MAGI3: variants seen among roughly 807,000 people sequenced by gnomAD.
MAGI3 encodes membrane-associated guanylate kinase, WW and PDZ domain-containing protein 3.
MAGI3 carries 43 observed loss-of-function variants against 121.8 expected under a neutral mutation model. The ratio of observed to expected loss-of-function variants is 0.35; its 90% CI spans 0.28 to 0.46. The LOEUF (loss-of-function observed/expected upper bound fraction) is 0.46, where lower values mean the gene tolerates loss of function less well. MAGI3 is among the 20% of genes least tolerant of loss of function. The pLI, the probability that MAGI3 is intolerant of heterozygous loss-of-function variation, is 1.00. For missense variants in MAGI3, 1,547 were observed against 1,797.3 expected, an observed-to-expected ratio of 0.86 and a Z score of 2.52; for synonymous variants, 553 against 639.3, an observed-to-expected ratio of 0.86 and a Z score of 2.04.
At chr1:113,479,822 G>A (rs1656026857) in intron 1 of MAGI3, among the ~76,000 whole-genome samples, 1 of 151,780 alleles carries the variant, frequency 6.6e-6, no homozygotes, top group South Asian at 2.1e-4. Flanking sequence ...AATTTTAAAT[G>A]AACCATCTTA....
At chr1:113,515,343 AAAG>A (rs1408736521) in intron 1 of MAGI3, among the ~76,000 whole-genome samples, 3 of 152,072 alleles carry the variant, frequency 2.0e-5, no homozygotes, top group Non-Finnish European at 4.4e-5. Context: ...AGCTTTGACT[AAAG>A]AGACTGAGAG....
chr1:113,503,962 C>G (rs1384218472), intron 1 of MAGI3, among the ~76,000 whole-genome samples: 1 of 151,834 alleles, frequency 6.6e-6, no homozygotes, highest in Non-Finnish European at 1.5e-5. Context: ...TCAAAGTGAC[C>G]TTTAGGATCT....
At chr1:113,472,303 C>T (rs902109621) in intron 1 of MAGI3, among the ~76,000 whole-genome samples, 6 of 151,364 alleles carry the variant, frequency 4.0e-5, no homozygotes, top group African/African-American at 7.3e-5. Context: ...CCCGGGTTCA[C>T]GCCATTCTCC....
intron 12 of MAGI3, among the ~76,000 whole-genome samples, chr1:113,647,106 TTAAC>T (rs999811055): frequency 1.2e-4 from 19 of 152,284 alleles, no homozygotes; most frequent in Non-Finnish European, 2.5e-4. Flanking sequence ...AAGCAAAGCT[TTAAC>T]TAAGTCATCA....
Position 113,641,771 on chromosome 1 carries a change from G to C in MAGI3, c.1361-140G>C, listed in dbSNP as rs146318484. Reference sequence around the variant, plus strand: ...TAGAAAAGGGAGAAGGTCTGTGTTAGAAATCTATCTTTTCAGCAGTTAATA... The same window carrying C: ...TAGAAAAGGGAGAAGGTCTGTGTTACAAATCTATCTTTTCAGCAGTTAATA... On this transcript the variant is annotated intron_variant, in intron 9 of 20. Transcript: ENST00000307546. The C allele has an allele frequency of 1.1e-4, 70 of 660,146 alleles. No homozygotes were observed. In the East Asian group the frequency reaches 1.9e-3, roughly 18 times the overall value. 40.9% of individuals were successfully genotyped at this position (660,146 alleles called of 1,614,324 possible).
Position 113,684,085 on chromosome 1 carries a change from T to A in MAGI3, c.*71T>A. 1 of 1,254,170 alleles carries A rather than the reference T, an allele frequency of 8.0e-7. No individual in the cohort carries two copies. The highest frequency in any genetic ancestry group is 1.0e-6 in the Non-Finnish European group (1 of 954,568). The allele number at this position is 1,254,170 out of a possible 1,614,324, so 77.7% of individuals were successfully genotyped here. A position where few individuals can be genotyped will look rare whatever the true frequency, so the allele number is the denominator to read the frequency against. On this transcript the variant is annotated 3_prime_UTR_variant, in exon 21 of 21. Transcript: ENST00000307546. ...AGCAGCATTTTTCCAGAAAAAGCCT[T>A]TTTTTTTTTTTCAGATATTCTGAAA...
intron 1 of MAGI3, among the ~76,000 whole-genome samples, chr1:113,438,571 A>T (rs1653754491): frequency 6.6e-6 from 1 of 152,218 alleles, no homozygotes; most frequent in Non-Finnish European, 1.5e-5. Flanking sequence ...CAAGCATGGT[A>T]CCAGCACCTG....
At chr1:113,611,503 T>A (rs1453581545) in intron 6 of MAGI3, among the ~76,000 whole-genome samples, 1 of 152,166 alleles carries the variant, frequency 6.6e-6, no homozygotes, top group African/African-American at 2.4e-5. Context: ...ATCCTCATGG[T>A]AGTCATTAAG....
At chr1:113,618,566 C>A (rs1650626288) in intron 7 of MAGI3, 1 of 442,902 alleles carries the variant, frequency 2.3e-6, no homozygotes. Flanking sequence ...AGTGCAATGG[C>A]ATGATCTCGG....
chr1:113,657,158 G>A (rs550442835), intron 15 of MAGI3, among the ~76,000 whole-genome samples: 1 of 152,298 alleles, frequency 6.6e-6, no homozygotes, highest in Non-Finnish European at 1.5e-5. Context: ...AATGAAGATG[G>A]ATAAGTTGGC....
intron 1 of MAGI3, among the ~76,000 whole-genome samples, chr1:113,424,260 G>A (rs998337771): frequency 7.3e-6 from 1 of 136,484 alleles, no homozygotes; most frequent in Non-Finnish European, 1.5e-5. Context: ...CACATGGGCC[G>A]CCACTGACAT....
At chr1:113,456,875 C>A (rs1460992863) in intron 1 of MAGI3, among the ~76,000 whole-genome samples, 5 of 143,270 alleles carry the variant, frequency 3.5e-5, no homozygotes, top group African/African-American at 1.3e-4. Context: ...TTTCCAAGTT[C>A]TAGACAATGC....
intron 1 of MAGI3, among the ~76,000 whole-genome samples, chr1:113,471,015 T>A (rs1009820934): frequency 6.6e-6 from 1 of 152,226 alleles, no homozygotes; most frequent in Non-Finnish European, 1.5e-5. Flanking sequence ...AAAAAGCTTT[T>A]CCCTGTGTTT....
chr1:113,663,235 A>AATATATATATATATAT (rs3081634), intron 16 of MAGI3, among the ~76,000 whole-genome samples: 37 of 144,050 alleles, frequency 2.6e-4, no homozygotes, highest in African/African-American at 6.4e-4. Flanking sequence ...CAAAAACAGA[A>AATATATATATATATAT]ATATATATAT....
rs766225519 is a variant in MAGI3, at chr1:113,641,987, G to A, written c.1437G>A (p.Leu479=). The A allele has an allele frequency of 1.9e-6, 3 of 1,613,910 alleles. No homozygotes were observed. Among genetic ancestry groups the A allele is most frequent in the Non-Finnish European group, 2.5e-6 (3 of 1,179,844 alleles). The change falls in exon 10 of 21, where the codon TTG becomes TTA. Residue 479 remains leucine, a synonymous_variant. Transcript: ENST00000307546. Reference sequence around the variant, plus strand: ...CAGATGTTGTCCAGATGTTTCAATTGGTACCTGTCAATCAGTATGTAAACC... The same window carrying A: ...CAGATGTTGTCCAGATGTTTCAATTAGTACCTGTCAATCAGTATGTAAACC... ...THADVVQMFQ[L]VPVNQYVNLT...
chr1:113,606,688 A>G (rs115859983), intron 6 of MAGI3, among the ~76,000 whole-genome samples: 1 of 152,266 alleles, frequency 6.6e-6, no homozygotes, highest in African/African-American at 2.4e-5. Flanking sequence ...CTAAATTGAC[A>G]TCTTTCTCCT....
At chr1:113,655,980 A>G (rs1195433810) in intron 15 of MAGI3, among the ~76,000 whole-genome samples, 1 of 152,186 alleles carries the variant, frequency 6.6e-6, no homozygotes, top group Non-Finnish European at 1.5e-5. Flanking sequence ...AAAGTTCATC[A>G]ATACTTAATA....
rs140816845 is a variant in MAGI3, at chr1:113,589,310, A to G, written c.764-1174A>G. Among the ~76,000 whole-genome samples the G allele has an allele frequency of 6.9e-4, 105 of 152,266 alleles. No homozygotes were observed. The East Asian group carries it at 0.011, about 16-fold the overall frequency. ...AGTGAATCAACTAAAGAAATGTGCTATGATCATCATGCATCATTAAATGCC... is the reference window on the plus strand; with the variant it reads ...AGTGAATCAACTAAAGAAATGTGCTGTGATCATCATGCATCATTAAATGCC... On this transcript the variant is annotated intron_variant, in intron 4 of 20. Coordinates refer to ENST00000307546, the MANE Select transcript of MAGI3 (RefSeq NM_001142782.2).
intron 2 of MAGI3, among the ~76,000 whole-genome samples, chr1:113,569,232 A>T (rs188921204): frequency 5.1e-4 from 77 of 152,284 alleles, no homozygotes; most frequent in Admixed American, 2.3e-3. Flanking sequence ...AGTGTATATG[A>T]TACCTATACA....
Sources: gnomAD v4.1 joint callset for allele counts (sites outside exome capture counted in the v4.1 genomes callset) on GRCh38, gnomAD v4.1.1 for gene constraint, MANE v1.5 for transcripts, NCBI Gene and HGNC (gene_info 2026-07-23, HGNC 2026-07-21) for gene names.